The following NALCN variants were observed in gnomAD, a reference collection of about 807,000 sequenced individuals.
NALCN encodes sodium leak channel NALCN.
In NALCN, 111 loss-of-function variants were observed where a neutral mutation model predicts 225.3. That is an observed-to-expected ratio of 0.49 (90% CI 0.42 to 0.58). The LOEUF is 0.58. Ranked by LOEUF, NALCN falls within the 20% of genes least tolerant of loss-of-function variation. The probability of loss-of-function intolerance (pLI) is 0.00; values close to 1 mark genes in which losing one functional copy is unlikely to be tolerated. For missense variants in NALCN, 1,378 were observed against 2,202.4 expected, an observed-to-expected ratio of 0.63 and a Z score of 7.49; for synonymous variants, 764 against 769.0, an observed-to-expected ratio of 0.99 and a Z score of 0.11.
chr13:101,315,663 T>C (rs1017307563), intron 7 of NALCN, among the ~76,000 whole-genome samples: 1 of 152,214 alleles, frequency 6.6e-6, no homozygotes, highest in Non-Finnish European at 1.5e-5. Flanking sequence ...ATGAAACTAA[T>C]CTATGCTTTT....
intron 17 of NALCN, among the ~76,000 whole-genome samples, chr13:101,128,485 A>G (rs1009118109): frequency 1.3e-5 from 2 of 152,140 alleles, no homozygotes; most frequent in African/African-American, 4.8e-5. Flanking sequence ...TAATTAATCT[A>G]CATGTTACCC....
In NALCN at chr13:101,279,812, G is replaced by A. The variant is rs1024046575; in HGVS notation, c.1134+4121C>T. Among the ~76,000 whole-genome samples the A allele has an allele frequency of 3.2e-5, 4 of 124,242 alleles. 1 individual carries two copies. In the South Asian group the frequency reaches 8.3e-4, roughly 26 times the overall value. The allele number at this position is 124,242 out of a possible 152,430, so 81.5% of individuals were successfully genotyped here. ...AGCCTGGGCGACAGAGCGAGACTCC[G>A]TCTCAAAAAATAAATAAATAAATAA... On this transcript the variant is annotated intron_variant, in intron 10 of 43. Transcript: ENST00000251127.
At chr13:101,117,300 G>A (rs1026795199) in intron 18 of NALCN, among the ~76,000 whole-genome samples, 8 of 152,078 alleles carry the variant, frequency 5.3e-5, no homozygotes, top group Admixed American at 3.3e-4. Flanking sequence ...CATGCCTTTC[G>A]TGCATCTATT....
In NALCN at chr13:101,361,526, T is replaced by C. The variant is rs896856771; in HGVS notation, c.644+15174A>G. On this transcript the variant is annotated intron_variant, in intron 6 of 43. Coordinates refer to ENST00000251127, the MANE Select transcript of NALCN (RefSeq NM_052867.4). ...TTGGACACACATGTTGAAGGAAGGT[T>C]ATCTCATACACTGAACAAGTTACAA... Among the ~76,000 whole-genome samples the C allele has an allele frequency of 3.9e-5, 6 of 152,304 alleles. No individual in the cohort carries two copies. In the East Asian group the frequency reaches 9.6e-4, roughly 24 times the overall value.
At chr13:101,071,081 C>T (rs543381711) in intron 37 of NALCN, among the ~76,000 whole-genome samples, 1 of 152,280 alleles carries the variant, frequency 6.6e-6, no homozygotes, top group South Asian at 2.1e-4. Context: ...AAACCACCCC[C>T]ATGATTCAAT....
intron 11 of NALCN, among the ~76,000 whole-genome samples, chr13:101,258,223 A>G (rs995168529): frequency 1.3e-5 from 2 of 152,156 alleles, no homozygotes; most frequent in Non-Finnish European, 2.9e-5. Context: ...TACCCTGGCA[A>G]CGTGACATAC....
At chr13:101,287,179 T>C (rs1484323312) in intron 9 of NALCN, among the ~76,000 whole-genome samples, 1 of 152,250 alleles carries the variant, frequency 6.6e-6, no homozygotes, top group South Asian at 2.1e-4. Context: ...ATAGTATGTA[T>C]GTTTTACTTT....
intron 10 of NALCN, among the ~76,000 whole-genome samples, chr13:101,263,174 G>A (rs1020434968): frequency 3.3e-5 from 5 of 152,132 alleles, no homozygotes; most frequent in Admixed American, 6.5e-5. Flanking sequence ...TCCTGTCACC[G>A]TGGCTATTGA....
rs1011842015 is a variant in NALCN at position 101,228,514 on chromosome 13, C to T, written c.1626+879G>A. On this transcript the variant is annotated intron_variant, in intron 13 of 43. Coordinates refer to ENST00000251127, the MANE Select transcript of NALCN (RefSeq NM_052867.4). ...CTCTTGTGGTAGTGAATAAGTCTCA[C>T]GAGATCTGATGGTTTTATAAGAGGT... 6.1e-4 allele frequency among the ~76,000 whole-genome samples: 93 copies of T among 152,182 alleles called. 1 individual carries two copies. Among genetic ancestry groups the T allele is most frequent in the African/African-American group, 2.2e-3 (90 of 41,514 alleles).
chr13:101,352,787 A>G (rs2045942837), intron 6 of NALCN, among the ~76,000 whole-genome samples: 1 of 152,218 alleles, frequency 6.6e-6, no homozygotes, highest in Admixed American at 6.5e-5. Flanking sequence ...TATGATAGGA[A>G]TTTATACATA....
Position 101,284,007 on chromosome 13 carries a change from C to G in NALCN, c.1060G>C (p.Asp354His). ...STATTQMFHE[D>H]AAGGWQLVAV... ...ACCAGCTGCCAACCTCCAGCAGCATCTTCATGAAACATCTTCAAGACAAAG... is the reference window on the plus strand; with the variant it reads ...ACCAGCTGCCAACCTCCAGCAGCATGTTCATGAAACATCTTCAAGACAAAG... The change falls in exon 10 of 44, where the codon GAT (aspartate) becomes CAT (histidine). Residue 354 changes from aspartate to histidine, a missense_variant. By Grantham distance (81) the Asp-to-His change is moderately conservative. This residue lies in a region of NALCN where 144 missense variants were observed against 187.7 expected (regional missense o/e 0.77). Transcript: ENST00000251127. 1.9e-6 allele frequency: 3 copies of G among 1,613,206 alleles called. No homozygotes were observed. Among genetic ancestry groups the G allele is most frequent in the Non-Finnish European group, 2.5e-6 (3 of 1,179,690 alleles).
At position 101,055,360 on chromosome 13, in the gene NALCN, T is replaced by C; in HGVS notation, c.5152A>G (p.Lys1718Glu). 6.2e-7 allele frequency: 1 copy of C among 1,614,112 alleles called. No homozygotes were observed. ...ACAGTCAGCTGCCGGGTCCACCACT[T>C]CTTAACTTCAGAACCGCAGGAAGCC... is the stretch of plus-strand genomic sequence containing the variant. The part of the protein sequence containing the change: ...DAASCGSEVK[K>E]WWTRQLTVES... The change falls in exon 44 of 44, where the codon AAG (lysine) becomes GAG (glutamate). Residue 1718 changes from lysine to glutamate, a missense_variant. Coordinates refer to ENST00000251127, the MANE Select transcript of NALCN (RefSeq NM_052867.4).
At chr13:101,176,488 A>C in intron 14 of NALCN, 114 bp from the exon 15 acceptor site, 1 of 601,388 alleles carries the variant, frequency 1.7e-6, no homozygotes, top group Non-Finnish European at 2.5e-6. Context: ...TAAATGCAAA[A>C]TAAACATGCA....
chr13:101,404,135 T>A (rs1030268345), intron 1 of NALCN, among the ~76,000 whole-genome samples: 2 of 152,170 alleles, frequency 1.3e-5, no homozygotes. Context: ...AAAGAGAGCC[T>A]CTAGTGTGGC....
intron 13 of NALCN, among the ~76,000 whole-genome samples, chr13:101,218,427 C>T (rs1471456200): frequency 2.0e-5 from 3 of 152,142 alleles, no homozygotes; most frequent in Non-Finnish European, 4.4e-5. Flanking sequence ...TCCCTTGTAT[C>T]TTACGGCTTC....
chr13:101,060,008 C>T, intron 41 of NALCN, 41 bp from the exon 42 acceptor site: 1 of 1,605,866 alleles, frequency 6.2e-7, no homozygotes, highest in South Asian at 1.1e-5. Flanking sequence ...ATAAGCCCAG[C>T]ATCCTGCCTG....
At chr13:101,347,164 C>CACACACAA (rs1274723905) in intron 6 of NALCN, among the ~76,000 whole-genome samples, 4 of 151,770 alleles carry the variant, frequency 2.6e-5, no homozygotes, top group African/African-American at 9.7e-5. Context: ...CACACACACA[C>CACACACAA]ACCCCATGGC....
intron 40 of NALCN, among the ~76,000 whole-genome samples, chr13:101,064,042 G>A (rs2032172182): frequency 6.6e-6 from 1 of 152,162 alleles, no homozygotes; most frequent in African/African-American, 2.4e-5. Flanking sequence ...ATAAGTAAGT[G>A]CTTCCTTTAT....
At chr13:101,271,780 T>G (rs553868619) in intron 10 of NALCN, among the ~76,000 whole-genome samples, 1 of 151,962 alleles carries the variant, frequency 6.6e-6, no homozygotes, top group African/African-American at 2.4e-5. Context: ...AGCGTGTGTA[T>G]GCATGTCTGT....
Sources: gnomAD v4.1 joint callset for allele counts (sites outside exome capture counted in the v4.1 genomes callset) on GRCh38, gnomAD v4.1.1 for gene constraint, gnomAD v4.1.1 regional missense constraint, MANE v1.5 for transcripts, NCBI Gene and HGNC (gene_info 2026-07-23, HGNC 2026-07-21) for gene names.